GABRA2: variants seen among roughly 807,000 people sequenced by gnomAD.
GABRA2 encodes the protein gamma-aminobutyric acid receptor subunit alpha-2.
A neutral mutation model predicts 48.7 loss-of-function variants in GABRA2; 16 were observed. That is an observed-to-expected ratio of 0.33 (90% confidence interval 0.22 to 0.50). The LOEUF (loss-of-function observed/expected upper bound fraction) is 0.50, where lower values mean the gene tolerates loss of function less well. Ranked by LOEUF, GABRA2 falls within the 20% of genes least tolerant of loss-of-function variation. The pLI, the probability that GABRA2 is intolerant of heterozygous loss-of-function variation, is 0.98. For synonymous variants in GABRA2, 185 were observed against 184.5 expected (o/e 1.00, Z -0.02); for missense variants, 275 against 535.6 (o/e 0.51, Z 4.80).
chr4:46,330,644 C>T (rs1038348550), intron 4 of GABRA2, among the ~76,000 whole-genome samples: 1 of 146,070 alleles, frequency 6.8e-6, no homozygotes, highest in Non-Finnish European at 1.5e-5. Flanking sequence ...TTGCAAAAAT[C>T]AAAGCTAAAA....
chr4:46,345,098 T>G (rs112240589), intron 3 of GABRA2, among the ~76,000 whole-genome samples: 45 of 151,868 alleles, frequency 3.0e-4, no homozygotes, highest in African/African-American at 1.1e-3. Context: ...TCTCACGAGA[T>G]CCAATGGTTT....
intron 8 of GABRA2, among the ~76,000 whole-genome samples, chr4:46,273,386 G>C (rs1719732537): frequency 6.7e-6 from 1 of 149,804 alleles, no homozygotes; most frequent in Non-Finnish European, 1.5e-5. Context: ...CCCTCTGTGT[G>C]TGTGTGTGTG....
chr4:46,368,498 A>T (rs1267779555), intron 3 of GABRA2: 1 of 154,254 alleles, frequency 6.5e-6, no homozygotes, highest in East Asian at 1.9e-4. Context: ...GACCATGTGC[A>T]TCAGAATCAA....
In GABRA2 at chr4:46,251,233, T is replaced by A. The variant is rs115967011; in HGVS notation, c.1060-629A>T. Among the ~76,000 whole-genome samples the A allele has an allele frequency of 4.0e-3, 608 of 151,646 alleles. 6 individuals are homozygous for A. Among genetic ancestry groups the A allele is most frequent in the African/African-American group, 0.014 (582 of 41,476 alleles). ...CAAACTCTTGTCTGAGTCACTATTATCTCCTGCCTGGACTTTGTGTCCGTC... is the reference window on the plus strand; with the variant it reads ...CAAACTCTTGTCTGAGTCACTATTAACTCCTGCCTGGACTTTGTGTCCGTC... On this transcript the variant is annotated intron_variant, in intron 9 of 9. Transcript: ENST00000381620.
intron 3 of GABRA2, among the ~76,000 whole-genome samples, chr4:46,359,872 G>A (rs942062057): frequency 1.1e-4 from 17 of 151,486 alleles, no homozygotes; most frequent in Admixed American, 2.6e-4. Context: ...AGCCAAGATC[G>A]TGCCACTGCA....
At chr4:46,273,437 T>C (rs1450321280) in intron 8 of GABRA2, among the ~76,000 whole-genome samples, 2 of 86,050 alleles carry the variant, frequency 2.3e-5, no homozygotes, top group East Asian at 2.9e-4. Flanking sequence ...TGCAGATATA[T>C]TTAGACAGTC....
At chr4:46,293,659 C>T (rs945354253) in intron 8 of GABRA2, among the ~76,000 whole-genome samples, 4 of 152,198 alleles carry the variant, frequency 2.6e-5, no homozygotes, top group African/African-American at 9.6e-5. Context: ...CGCACATTGG[C>T]TCCCTGACTG....
chr4:46,311,405 G>A (rs761370670), intron 5 of GABRA2, among the ~76,000 whole-genome samples: 141 of 152,026 alleles, frequency 9.3e-4, no homozygotes, highest in Non-Finnish European at 1.4e-3. Flanking sequence ...ACTGGAATAC[G>A]TGTTTCTGTC....
chr4:46,307,821 T>A (rs559949464), intron 6 of GABRA2, among the ~76,000 whole-genome samples: 1 of 152,292 alleles, frequency 6.6e-6, no homozygotes, highest in East Asian at 1.9e-4. Context: ...AATATAGTTT[T>A]GAGATTTTGT....
chr4:46,287,368 G>A (rs1480121039), intron 8 of GABRA2, among the ~76,000 whole-genome samples: 1 of 151,922 alleles, frequency 6.6e-6, no homozygotes, highest in Non-Finnish European at 1.5e-5. Context: ...AGCTATCCAT[G>A]CTCATGGATA....
chr4:46,296,139 C>T (rs550779122), intron 8 of GABRA2, among the ~76,000 whole-genome samples: 142 of 152,238 alleles, frequency 9.3e-4, no homozygotes, highest in Non-Finnish European at 1.5e-3. Context: ...GCCGTGTATG[C>T]TCTGAATCAG....
intron 3 of GABRA2, among the ~76,000 whole-genome samples, chr4:46,340,758 G>A (rs1182007748): frequency 6.6e-6 from 1 of 151,812 alleles, no homozygotes; most frequent in East Asian, 1.9e-4. Flanking sequence ...GAGCTTCCTG[G>A]AGGCACAGAA....
intron 8 of GABRA2, among the ~76,000 whole-genome samples, chr4:46,278,292 C>A (rs771130825): frequency 2.6e-4 from 39 of 152,114 alleles, no homozygotes; most frequent in Non-Finnish European, 3.8e-4. Flanking sequence ...AGAAACCCTT[C>A]ACACATATGG....
At chr4:46,367,222 A>G (rs183392199) in intron 3 of GABRA2, 2 of 152,280 alleles carry the variant, frequency 1.3e-5, no homozygotes, top group East Asian at 3.9e-4. Context: ...CCACTAAAAT[A>G]TATAGAAAAA....
chr4:46,244,430 T>C lies in GABRA2; in HGVS notation c.*5878A>G, dbSNP rs371251999. 4.6e-5 allele frequency among the ~76,000 whole-genome samples: 7 copies of C among 151,598 alleles called. No homozygotes were observed. The East Asian group carries it at 7.8e-4, about 17-fold the overall frequency. ...CAACATAGTTTGCCTTTTGGCATCA[T>C]GTTATGGCAAAGTCTTCTAAAAAGA... On this transcript the variant is annotated 3_prime_UTR_variant, in exon 10 of 10. Transcript: ENST00000381620.
intron 8 of GABRA2, among the ~76,000 whole-genome samples, chr4:46,281,348 ATAAAG>A (rs1577889291): frequency 6.6e-6 from 1 of 152,166 alleles, no homozygotes; most frequent in African/African-American, 2.4e-5. Context: ...GCTGAGATAA[ATAAAG>A]TAGAGAGTAT....
At chr4:46,251,514 A>G (rs954177933) in intron 9 of GABRA2, among the ~76,000 whole-genome samples, 4 of 151,374 alleles carry the variant, frequency 2.6e-5, no homozygotes, top group African/African-American at 9.7e-5. Flanking sequence ...ATATTTCCCC[A>G]GCCCAGAACA....
At chr4:46,289,360 A>G (rs942528816) in intron 8 of GABRA2, among the ~76,000 whole-genome samples, 3 of 152,244 alleles carry the variant, frequency 2.0e-5, no homozygotes, top group African/African-American at 7.2e-5. Flanking sequence ...ATGGAATACT[A>G]CGCAGCTATA....
At chr4:46,277,183 A>T (rs1196764530) in intron 8 of GABRA2, among the ~76,000 whole-genome samples, 1 of 152,156 alleles carries the variant, frequency 6.6e-6, no homozygotes, top group Non-Finnish European at 1.5e-5. Flanking sequence ...CCTCTAGACT[A>T]GAATAATCAA....
Sources: gnomAD v4.1 joint callset for allele counts (sites outside exome capture counted in the v4.1 genomes callset) on GRCh38, gnomAD v4.1.1 for gene constraint, MANE v1.5 for transcripts, NCBI Gene and HGNC (gene_info 2026-07-23, HGNC 2026-07-21) for gene names.